TLN2: variants seen among roughly 807,000 people sequenced by gnomAD.
TLN2 encodes talin 2.
Under a neutral mutation model 294.7 loss-of-function variants are expected in TLN2, and 118 were observed. The ratio of observed to expected loss-of-function variants is 0.40; its 90% CI spans 0.34 to 0.47. The LOEUF (loss-of-function observed/expected upper bound fraction) is 0.47. TLN2 is among the 20% of genes least tolerant of loss of function. The pLI is 0.84. For missense variants in TLN2, 3,083 were observed against 3,282.2 expected (o/e 0.94, Z 1.48); for synonymous variants, 1,431 against 1,304.5 (o/e 1.10, Z -2.09).
chr15:62,572,902 A>T (rs1347200714), intron 1 of TLN2, among the ~76,000 whole-genome samples: 1 of 151,832 alleles, frequency 6.6e-6, no homozygotes, highest in African/African-American at 2.4e-5. Flanking sequence ...TCTTGCCCCC[A>T]TGGCTCCTCC....
chr15:62,419,952 G>A (rs2034299072), intron 1 of TLN2, among the ~76,000 whole-genome samples: 1 of 152,128 alleles, frequency 6.6e-6, no homozygotes, highest in Non-Finnish European at 1.5e-5. Context: ...CAACCCAAGG[G>A]GCATCTTATC....
rs555552492 is a variant in TLN2, at chr15:62,444,768, G to A, written c.-238+54083G>A. ...TTGTATTACTGTTTTTCCCATGTAT[G>A]TATTCCAAAGTGCTTTACTGAGTGC... On this transcript the variant is annotated intron_variant, in intron 1 of 58. Coordinates refer to ENST00000636159, the MANE Select transcript of TLN2 (RefSeq NM_015059.3). Among the ~76,000 whole-genome samples the A allele has an allele frequency of 1.6e-3, 246 of 152,306 alleles. 8 individuals are homozygous for A. The South Asian group carries it at 0.05, about 31-fold the overall frequency.
intron 25 of TLN2, among the ~76,000 whole-genome samples, chr15:62,720,956 C>G (rs919314518): frequency 6.6e-6 from 1 of 152,094 alleles, no homozygotes. Context: ...ATGACTTGGA[C>G]AAGGCATTTC....
At chr15:62,675,396 G>T (rs2056064551) in intron 11 of TLN2, 75 bp downstream of exon 11, 1 of 1,500,488 alleles carries the variant, frequency 6.7e-7, no homozygotes, top group African/African-American at 1.4e-5. Flanking sequence ...TTGCTGTTAA[G>T]CCTGGTTTGT....
chr15:62,533,128 C>T (rs7167031), intron 1 of TLN2, among the ~76,000 whole-genome samples: 38,429 of 151,444 alleles, frequency 0.25, 5,253 homozygotes, highest in East Asian at 0.56. Flanking sequence ...GTGGTGGGCA[C>T]CTGTAATTCC....
At chr15:62,814,815 C>T (rs1016520547) in intron 52 of TLN2, among the ~76,000 whole-genome samples, 4 of 152,154 alleles carry the variant, frequency 2.6e-5, no homozygotes, top group African/African-American at 9.7e-5. Flanking sequence ...AATAAATTCA[C>T]GTTCACACAG....
At chr15:62,809,845 G>T in intron 51 of TLN2, 80 bp from the exon 52 acceptor site, 1 of 1,363,218 alleles carries the variant, frequency 7.3e-7, no homozygotes, top group South Asian at 1.2e-5. Context: ...CCAGGGTTAA[G>T]GTCTCTTGCC....
At chr15:62,713,512 C>A (rs556049494) in intron 22 of TLN2, among the ~76,000 whole-genome samples, 2 of 151,960 alleles carry the variant, frequency 1.3e-5, no homozygotes, top group Non-Finnish European at 1.5e-5. Flanking sequence ...AACCCTGTCT[C>A]TACTAAAAAT....
At chr15:62,634,258 T>C (rs996631415) in intron 3 of TLN2, among the ~76,000 whole-genome samples, 6 of 152,218 alleles carry the variant, frequency 3.9e-5, no homozygotes, top group Admixed American at 1.3e-4. Flanking sequence ...CAAATTCCCA[T>C]TGATGAGGCC....
At chr15:62,425,728 G>T (rs2034672464) in intron 1 of TLN2, among the ~76,000 whole-genome samples, 1 of 152,202 alleles carries the variant, frequency 6.6e-6, no homozygotes, top group Non-Finnish European at 1.5e-5. Context: ...CCTCGTGCAA[G>T]TGCTGGTACT....
At chr15:62,545,128 C>T (rs939836634) in intron 1 of TLN2, among the ~76,000 whole-genome samples, 12 of 150,500 alleles carry the variant, frequency 8.0e-5, no homozygotes, top group Non-Finnish European at 1.3e-4. Flanking sequence ...TTAGTAGAGA[C>T]GGGGTTTCAC....
chr15:62,449,399 G>A (rs530800113), intron 1 of TLN2, among the ~76,000 whole-genome samples: 6 of 152,284 alleles, frequency 3.9e-5, no homozygotes, highest in African/African-American at 1.4e-4. Context: ...GGCTGCAGTA[G>A]TTGCTTCATA....
intron 49 of TLN2, 76 bp from the exon 50 acceptor site, chr15:62,800,577 C>G: frequency 6.2e-7 from 1 of 1,608,206 alleles, no homozygotes; most frequent in Non-Finnish European, 8.5e-7. Context: ...TCATAGCATG[C>G]GATCCAGAAG....
At chr15:62,449,254 C>G (rs2035975615) in intron 1 of TLN2, among the ~76,000 whole-genome samples, 1 of 152,026 alleles carries the variant, frequency 6.6e-6, no homozygotes, top group South Asian at 2.1e-4. Flanking sequence ...GGCTATAATT[C>G]CTCCATGCGT....
At chr15:62,525,407 T>C (rs1309606832) in intron 1 of TLN2, among the ~76,000 whole-genome samples, 1 of 152,212 alleles carries the variant, frequency 6.6e-6, no homozygotes, top group Non-Finnish European at 1.5e-5. Flanking sequence ...CTGAAATTTA[T>C]TGAATACATC....
At chr15:62,747,466 G>A (rs1191614808) in intron 32 of TLN2, among the ~76,000 whole-genome samples, 1 of 152,036 alleles carries the variant, frequency 6.6e-6, no homozygotes, top group East Asian at 1.9e-4. Flanking sequence ...AAAATCATAG[G>A]CACAGTTCAC....
chr15:62,478,576 G>A (rs187220668), intron 1 of TLN2, among the ~76,000 whole-genome samples: 42 of 152,254 alleles, frequency 2.8e-4, no homozygotes, highest in South Asian at 8.3e-4. Context: ...AACCGGAACA[G>A]CTCTCCAGGG....
At chr15:62,764,806 A>G (rs938788630) in intron 40 of TLN2, among the ~76,000 whole-genome samples, 4 of 151,984 alleles carry the variant, frequency 2.6e-5, no homozygotes, top group Non-Finnish European at 5.9e-5. Flanking sequence ...ATCTCTACCA[A>G]AAATACAAAA....
chr15:62,837,839 T>G (rs1288527193), intron 57 of TLN2, among the ~76,000 whole-genome samples: 1 of 152,214 alleles, frequency 6.6e-6, no homozygotes, highest in Non-Finnish European at 1.5e-5. Flanking sequence ...ATTGGTCACT[T>G]TAGTTCACAG....
Sources: allele counts gnomAD v4.1 joint callset (sites outside exome capture counted in the v4.1 genomes callset), GRCh38; gene constraint gnomAD v4.1.1; transcripts MANE v1.5; gene names NCBI Gene and HGNC (gene_info 2026-07-23, HGNC 2026-07-21).